Variants in GLCCI1 observed in about 807,000 individuals in gnomAD.
GLCCI1 encodes glucocorticoid induced 1.
In GLCCI1, 24 loss-of-function variants were observed where a neutral mutation model predicts 52.2. The observed-to-expected ratio is 0.46, with a 90% CI of 0.33 to 0.65. The LOEUF (loss-of-function observed/expected upper bound fraction) is 0.65. Among genes scored for constraint, GLCCI1 ranks in the 30% least tolerant of loss-of-function variants. GLCCI1 has a pLI of 0.02. For missense variants in GLCCI1, 704 were observed against 701.5 expected, an observed-to-expected ratio of 1.00 and a Z score of -0.04; for synonymous variants, 310 against 276.5, an observed-to-expected ratio of 1.12 and a Z score of -1.20.
At chr7:8,070,642 C>T (rs756094503) in intron 5 of GLCCI1, 54 of 273,126 alleles carry the variant, frequency 2.0e-4, no homozygotes, top group African/African-American at 1.0e-3. Context: ...ACAGGACTCC[C>T]GCTGTCCTTG....
chr7:8,088,320 A>G lies in GLCCI1; in HGVS notation c.*1782A>G, dbSNP rs1170732728. The G allele has an allele frequency of 6.6e-6, 1 of 151,382 alleles. No homozygotes were observed. The highest frequency in any genetic ancestry group is 1.9e-4 in the East Asian group (1 of 5,160). 9.4% of individuals were successfully genotyped at this position (151,382 alleles called of 1,614,324 possible). Reference sequence around the variant, plus strand: ...ATCTCAATTCTCTTCTTTCCACCAAAGTTTGTCGTAATATTTTCTCCTGAA... The same window carrying G: ...ATCTCAATTCTCTTCTTTCCACCAAGGTTTGTCGTAATATTTTCTCCTGAA... On this transcript the variant is annotated 3_prime_UTR_variant, in exon 8 of 8. Transcript: ENST00000223145.
At chr7:8,056,447 C>T (rs1782399666) in intron 4 of GLCCI1, among the ~76,000 whole-genome samples, 1 of 152,226 alleles carries the variant, frequency 6.6e-6, no homozygotes. Context: ...CTTTACCCAT[C>T]TTTCTCTGTG....
intron 6 of GLCCI1, among the ~76,000 whole-genome samples, chr7:8,081,697 C>T (rs754742705): frequency 6.6e-6 from 1 of 152,154 alleles, no homozygotes; most frequent in African/African-American, 2.4e-5. Context: ...TGAATAACTT[C>T]TCTAATTTTT....
At chr7:7,998,263 C>A (rs1268555345) in intron 1 of GLCCI1, among the ~76,000 whole-genome samples, 1 of 151,618 alleles carries the variant, frequency 6.6e-6, no homozygotes, top group African/African-American at 2.4e-5. Context: ...GTCACCCAGG[C>A]TGGAGTGCAG....
At chr7:7,988,558 G>C (rs1780781800) in intron 1 of GLCCI1, among the ~76,000 whole-genome samples, 1 of 151,916 alleles carries the variant, frequency 6.6e-6, no homozygotes, top group South Asian at 2.1e-4. Flanking sequence ...AATACTCTTG[G>C]AGTGAATCTG....
intron 2 of GLCCI1, among the ~76,000 whole-genome samples, chr7:8,006,998 G>T (rs1300542554): frequency 6.6e-6 from 1 of 152,184 alleles, no homozygotes; most frequent in Non-Finnish European, 1.5e-5. Flanking sequence ...CCTGGTTTTA[G>T]ATTACCTGGA....
At position 8,055,539 on chromosome 7, in the gene GLCCI1, G is replaced by A. The variant is rs781521901; in HGVS notation, c.803G>A (p.Ser268Asn). ...CTTCATGGCAACCATATAACAATCAGTCACACTCAGGTAGGCTAACTTCTT... is the reference window on the plus strand; with the variant it reads ...CTTCATGGCAACCATATAACAATCAATCACACTCAGGTAGGCTAACTTCTT... ...SPLHGNHITI[S>N]HTQATGSRSV... Residue 268 changes from serine (S) to asparagine (N), a missense_variant, in exon 4 of 8, where the codon AGT (serine) becomes AAT (asparagine). Around this residue, in one of 3 missense-constraint regions of GLCCI1, gnomAD observed 547 missense variants for 524.8 expected, o/e 1.04. Coordinates refer to ENST00000223145, the MANE Select transcript of GLCCI1 (RefSeq NM_138426.4). The A allele has an allele frequency of 2.5e-6, 4 of 1,589,850 alleles. No individual in the cohort carries two copies. The African/African-American group carries it at 5.4e-5, about 21-fold the overall frequency.
intron 2 of GLCCI1, among the ~76,000 whole-genome samples, chr7:8,008,979 T>C (rs575794851): frequency 7.2e-5 from 11 of 152,176 alleles, no homozygotes; most frequent in Non-Finnish European, 1.3e-4. Flanking sequence ...CTTAACTGCT[T>C]TGTGACCCAG....
At chr7:8,035,513 A>C (rs1006985128) in intron 3 of GLCCI1, among the ~76,000 whole-genome samples, 4 of 152,092 alleles carry the variant, frequency 2.6e-5, no homozygotes, top group African/African-American at 7.2e-5. Flanking sequence ...AAAAAATAAG[A>C]ATTTATTCAA....
At chr7:7,987,470 T>G (rs1270618642) in intron 1 of GLCCI1, among the ~76,000 whole-genome samples, 2 of 152,242 alleles carry the variant, frequency 1.3e-5, no homozygotes. Context: ...AGGGCAGGAA[T>G]TCTGGACTGT....
intron 6 of GLCCI1, among the ~76,000 whole-genome samples, chr7:8,078,139 C>G (rs546667683): frequency 1.4e-5 from 2 of 139,022 alleles, no homozygotes; most frequent in African/African-American, 5.5e-5. Flanking sequence ...GAGGCTGAGG[C>G]AGGAGAATGG....
chr7:8,038,488 A>G (rs1366275062), intron 3 of GLCCI1, among the ~76,000 whole-genome samples: 1 of 152,222 alleles, frequency 6.6e-6, no homozygotes, highest in East Asian at 1.9e-4. Context: ...CAAAGTTGAC[A>G]AAACATATGC....
chr7:8,052,057 G>C (rs1782270048), intron 3 of GLCCI1, among the ~76,000 whole-genome samples: 1 of 152,142 alleles, frequency 6.6e-6, no homozygotes, highest in Non-Finnish European at 1.5e-5. Flanking sequence ...ACCTTTGTGT[G>C]AATTAGATAA....
At chr7:8,041,840 C>T (rs1277910673) in intron 3 of GLCCI1, among the ~76,000 whole-genome samples, 3 of 152,158 alleles carry the variant, frequency 2.0e-5, no homozygotes, top group Admixed American at 6.5e-5. Context: ...AGTCCTCCCG[C>T]CTCAGCCTCC....
chr7:8,027,670 G>A (rs1363145713), intron 3 of GLCCI1, among the ~76,000 whole-genome samples: 1 of 151,374 alleles, frequency 6.6e-6, no homozygotes, highest in Non-Finnish European at 1.5e-5. Context: ...AAGACAACGA[G>A]TGGCTGAATG....
At chr7:7,974,693 T>C (rs1780425910) in intron 1 of GLCCI1, among the ~76,000 whole-genome samples, 1 of 152,152 alleles carries the variant, frequency 6.6e-6, no homozygotes, top group Non-Finnish European at 1.5e-5. Context: ...TTTAAAAAAT[T>C]CTAAAAGTCT....
In GLCCI1 at chr7:8,055,493, G is replaced by A. The variant is rs1389338506; in HGVS notation, c.757G>A (p.Glu253Lys). The stretch of plus-strand genomic sequence containing the variant: ...TAAACAGAGTAGTCGTCACAGTAAG[G>A]AGAAAGATCGCCAGTCACCTCTTCA... ...RSKQSSRHSK[E>K]KDRQSPLHGN... Residue 253 changes from glutamate (E) to lysine (K), a missense_variant, in exon 4 of 8, where the codon GAG becomes AAG. Physicochemically the swap from Glu to Lys is moderately conservative, Grantham distance 56. Around this residue, in one of 3 missense-constraint regions of GLCCI1, gnomAD observed 547 missense variants for 524.8 expected, o/e 1.04. Coordinates refer to ENST00000223145, the MANE Select transcript of GLCCI1 (RefSeq NM_138426.4). The A allele has an allele frequency of 1.9e-6, 3 of 1,613,930 alleles. No individual in the cohort carries two copies. The highest frequency in any genetic ancestry group is 2.5e-6 in the Non-Finnish European group (3 of 1,179,908).
Position 8,085,134 on chromosome 7 carries a change from A to C in GLCCI1, c.1298+117A>C, listed in dbSNP as rs113669860. On this transcript the variant is annotated intron_variant, in intron 7 of 7. Coordinates refer to ENST00000223145, the MANE Select transcript of GLCCI1 (RefSeq NM_138426.4). ...CCAGCTGATAATGTGTTTCAAGAGC[A>C]AATTATGTAAAGAGAATTGAATAGG... The C allele has an allele frequency of 1.6e-5, 18 of 1,130,832 alleles. No individual in the cohort carries two copies. The African/African-American group carries it at 2.3e-4, about 15-fold the overall frequency. 70.0% of individuals were successfully genotyped at this position (1,130,832 alleles called of 1,614,324 possible).
At chr7:8,012,149 TTC>T (rs1430710796) in intron 2 of GLCCI1, among the ~76,000 whole-genome samples, 1 of 152,102 alleles carries the variant, frequency 6.6e-6, no homozygotes, top group Non-Finnish European at 1.5e-5. Context: ...TGCCAATATT[TTC>T]TTTTTTCCTT....
Sources: gnomAD v4.1 joint callset for allele counts (sites outside exome capture counted in the v4.1 genomes callset) on GRCh38, gnomAD v4.1.1 for gene constraint, gnomAD v4.1.1 regional missense constraint, MANE v1.5 for transcripts, NCBI Gene and HGNC (gene_info 2026-07-23, HGNC 2026-07-21) for gene names.